Variants in AGBL4 observed in about 807,000 individuals in gnomAD.
The protein encoded by AGBL4 is cytosolic carboxypeptidase 6.
Under a neutral mutation model 66.4 loss-of-function variants are expected in AGBL4, and 58 were observed. That is an observed-to-expected ratio of 0.87 (90% CI 0.71 to 1.09). AGBL4 has a LOEUF of 1.09. Among genes scored for constraint, AGBL4 ranks in the 50% least tolerant of loss-of-function variants. The pLI is 0.00. For missense variants in AGBL4, 579 were observed against 631.0 expected (o/e 0.92, Z 0.88); for synonymous variants, 234 against 222.9 (o/e 1.05, Z -0.44).
chr1:48,601,460 A>C (rs1482804931), intron 9 of AGBL4, among the ~76,000 whole-genome samples: 1 of 152,184 alleles, frequency 6.6e-6, no homozygotes, highest in African/African-American at 2.4e-5. Context: ...TGTGAAGAAG[A>C]AAGACATTTT....
At chr1:49,329,622 C>T (rs549747846) in intron 3 of AGBL4, among the ~76,000 whole-genome samples, 2 of 152,154 alleles carry the variant, frequency 1.3e-5, no homozygotes, top group East Asian at 3.9e-4. Context: ...GTCGAGATTG[C>T]ACCACTGCAC....
chr1:48,669,524 G>A (rs1371850693), intron 6 of AGBL4, among the ~76,000 whole-genome samples: 1 of 152,108 alleles, frequency 6.6e-6, no homozygotes, highest in South Asian at 2.1e-4. Flanking sequence ...CTCCTCAGAG[G>A]CAAAATAGCC....
intron 1 of AGBL4, among the ~76,000 whole-genome samples, chr1:49,975,283 T>C (rs995409715): frequency 6.6e-6 from 1 of 152,232 alleles, no homozygotes; most frequent in Non-Finnish European, 1.5e-5. Context: ...GAAATTCTAT[T>C]TCATAATAAA....
At chr1:49,245,747 G>T (rs1336660048) in intron 4 of AGBL4, 23 bp downstream of exon 4, 2 of 1,521,976 alleles carry the variant, frequency 1.3e-6, no homozygotes, top group South Asian at 2.4e-5. Context: ...CCAGGAAGGG[G>T]TCCCATTCTG....
chr1:49,583,247 G>A (rs1458631047), intron 3 of AGBL4, among the ~76,000 whole-genome samples: 5 of 152,098 alleles, frequency 3.3e-5, no homozygotes, highest in African/African-American at 1.2e-4. Flanking sequence ...CTTCTGGGAT[G>A]GTGAACATAT....
intron 3 of AGBL4, among the ~76,000 whole-genome samples, chr1:49,601,277 G>T (rs1644953234): frequency 6.6e-6 from 1 of 151,560 alleles, no homozygotes; most frequent in Non-Finnish European, 1.5e-5. Context: ...TCAAATGCAG[G>T]TTTGGTCTTT....
intron 9 of AGBL4, among the ~76,000 whole-genome samples, chr1:48,628,550 A>G (rs1011857389): frequency 6.6e-6 from 1 of 152,144 alleles, no homozygotes; most frequent in African/African-American, 2.4e-5. Context: ...GAAGAAGCCA[A>G]ATGCCTTGGG....
At chr1:49,899,239 T>C (rs1649527017) in intron 1 of AGBL4, among the ~76,000 whole-genome samples, 1 of 151,978 alleles carries the variant, frequency 6.6e-6, no homozygotes, top group Admixed American at 6.6e-5. Context: ...TCATGTGACC[T>C]ATAAATATAT....
chr1:49,131,477 A>G (rs1645894918), intron 4 of AGBL4, among the ~76,000 whole-genome samples: 1 of 152,128 alleles, frequency 6.6e-6, no homozygotes, highest in Non-Finnish European at 1.5e-5. Flanking sequence ...AAGGAGAAGT[A>G]ACAGTGTGAT....
chr1:49,076,318 C>A (rs1004540299), intron 4 of AGBL4, among the ~76,000 whole-genome samples: 10 of 152,136 alleles, frequency 6.6e-5, no homozygotes, highest in Non-Finnish European at 2.9e-5. Flanking sequence ...TATTTTAAAT[C>A]ATTTCAAGAT....
At chr1:49,864,542 A>G (rs1210199664) in intron 1 of AGBL4, among the ~76,000 whole-genome samples, 1 of 152,106 alleles carries the variant, frequency 6.6e-6, no homozygotes, top group Non-Finnish European at 1.5e-5. Flanking sequence ...GGAAAAGCAG[A>G]GCAACAGCCC....
chr1:48,527,833 G>T, the AGBL4 span, among the ~76,000 whole-genome samples: 1 of 152,088 alleles, frequency 6.6e-6, no homozygotes, highest in Admixed American at 6.6e-5. Flanking sequence ...GAAATGGGGC[G>T]TGAAAGACAC....
At chr1:48,986,671 T>A (rs1051326892) in intron 5 of AGBL4, among the ~76,000 whole-genome samples, 1 of 152,038 alleles carries the variant, frequency 6.6e-6, no homozygotes, top group Non-Finnish European at 1.5e-5. Flanking sequence ...TGCTTCGAGC[T>A]GAAAGAAAAT....
At chr1:48,795,236 G>T (rs940702804) in intron 6 of AGBL4, among the ~76,000 whole-genome samples, 8 of 152,118 alleles carry the variant, frequency 5.3e-5, no homozygotes, top group Admixed American at 3.9e-4. Flanking sequence ...CTTTCCAAAA[G>T]CTTCTCATCT....
intron 3 of AGBL4, among the ~76,000 whole-genome samples, chr1:49,610,370 C>A (rs1380263462): frequency 6.6e-6 from 1 of 152,122 alleles, no homozygotes; most frequent in African/African-American, 2.4e-5. Context: ...CAAACGTAGA[C>A]TTTTCAGACT....
At chr1:49,291,411 TA>T (rs1254754166) in intron 3 of AGBL4, among the ~76,000 whole-genome samples, 1 of 152,118 alleles carries the variant, frequency 6.6e-6, no homozygotes, top group Admixed American at 6.5e-5. Context: ...GAGCATAGAC[TA>T]AAAAATCCTA....
At chr1:48,675,189 C>T (rs1016765570) in intron 6 of AGBL4, among the ~76,000 whole-genome samples, 2 of 152,166 alleles carry the variant, frequency 1.3e-5, no homozygotes, top group Non-Finnish European at 2.9e-5. Context: ...CAGTGTCCTT[C>T]ACTCCCACCA....
chr1:49,565,459 G>A (rs1003367782), intron 3 of AGBL4, among the ~76,000 whole-genome samples: 3 of 152,114 alleles, frequency 2.0e-5, no homozygotes, highest in Non-Finnish European at 4.4e-5. Flanking sequence ...TCCCTTCCAT[G>A]TTTAGTGCTT....
chr1:49,768,984 G>T (rs1483589464), intron 2 of AGBL4, among the ~76,000 whole-genome samples: 1 of 152,112 alleles, frequency 6.6e-6, no homozygotes. Flanking sequence ...AAGTAGCTGG[G>T]ATTACAGGCA....
Sources: gnomAD v4.1 joint callset for allele counts (sites outside exome capture counted in the v4.1 genomes callset) on GRCh38, gnomAD v4.1.1 for gene constraint, MANE v1.5 for transcripts, NCBI Gene and HGNC (gene_info 2026-07-23, HGNC 2026-07-21) for gene names.